MEMO1: variants seen among roughly 807,000 people sequenced by gnomAD.
MEMO1 encodes mediator of cell motility 1.
MEMO1 carries 6 observed loss-of-function variants against 45.2 expected under a neutral mutation model. That is an observed-to-expected ratio of 0.13 (90% CI 0.07 to 0.26). The LOEUF (loss-of-function observed/expected upper bound fraction) is 0.26. MEMO1 is among the 10% of genes least tolerant of loss of function. The pLI, the probability that MEMO1 is intolerant of heterozygous loss-of-function variation, is 1.00. For missense variants in MEMO1, 184 were observed against 370.5 expected (o/e 0.50, Z 4.13); for synonymous variants, 78 against 124.3 (o/e 0.63, Z 2.48).
intron 5 of MEMO1, among the ~76,000 whole-genome samples, chr2:31,920,304 TA>T (rs1302930430): frequency 6.6e-6 from 1 of 152,120 alleles, no homozygotes; most frequent in African/African-American, 2.4e-5. Context: ...TAGGCATGTT[TA>T]AAAATAAAAT....
At chr2:31,901,351 C>T (rs1371094393) in intron 6 of MEMO1, among the ~76,000 whole-genome samples, 33 of 105,918 alleles carry the variant, frequency 3.1e-4, no homozygotes, top group African/African-American at 1.0e-3. Context: ...CCAGCCTGAG[C>T]GAAAGAGTGA....
chr2:31,965,422 A>C (rs963651511), intron 2 of MEMO1, among the ~76,000 whole-genome samples: 2 of 152,102 alleles, frequency 1.3e-5, no homozygotes, highest in Non-Finnish European at 2.9e-5. Context: ...GAAACAAGTC[A>C]GCCATAGGAT....
chr2:31,914,799 GTT>G (rs976102003), intron 6 of MEMO1, among the ~76,000 whole-genome samples: 1 of 151,366 alleles, frequency 6.6e-6, no homozygotes, highest in African/African-American at 2.4e-5. Context: ...TAAAAAAAAA[GTT>G]TTTAAAATTA....
chr2:31,904,084 A>G (rs1679289694), intron 6 of MEMO1, among the ~76,000 whole-genome samples: 1 of 152,256 alleles, frequency 6.6e-6, no homozygotes, highest in Admixed American at 6.5e-5. Flanking sequence ...AGAGTCAAAA[A>G]TACAGAATGG....
At chr2:31,933,610 C>G (rs1204880988) in intron 3 of MEMO1, among the ~76,000 whole-genome samples, 2 of 151,804 alleles carry the variant, frequency 1.3e-5, no homozygotes, top group Non-Finnish European at 2.9e-5. Context: ...TCTGAAGTAG[C>G]TTAAGATATG....
intron 2 of MEMO1, among the ~76,000 whole-genome samples, chr2:31,977,649 G>A (rs1670162395): frequency 6.6e-6 from 1 of 152,034 alleles, no homozygotes; most frequent in Non-Finnish European, 1.5e-5. Flanking sequence ...AAGTAGCTGG[G>A]ACTACAGGTG....
chr2:31,986,862 A>G (rs945682482), intron 2 of MEMO1, among the ~76,000 whole-genome samples: 3 of 152,250 alleles, frequency 2.0e-5, no homozygotes, highest in African/African-American at 7.2e-5. Flanking sequence ...GTACGCGACA[A>G]CTAAATTGTT....
At chr2:31,874,196 AATG>A (rs1674218011) in intron 8 of MEMO1, among the ~76,000 whole-genome samples, 1 of 152,134 alleles carries the variant, frequency 6.6e-6, no homozygotes, top group Non-Finnish European at 1.5e-5. Context: ...GTATAATAAA[AATG>A]ATAACCTATG....
intron 8 of MEMO1, among the ~76,000 whole-genome samples, chr2:31,873,674 A>T (rs1020206100): frequency 6.6e-6 from 1 of 152,172 alleles, no homozygotes; most frequent in East Asian, 1.9e-4. Flanking sequence ...AACCAGAATC[A>T]TATCTTTTAA....
intron 6 of MEMO1, among the ~76,000 whole-genome samples, chr2:31,911,641 T>C (rs971550428): frequency 5.3e-5 from 8 of 152,176 alleles, no homozygotes; most frequent in Admixed American, 5.2e-4. Context: ...TTTAATGCCA[T>C]ATAAAAGCAT....
chr2:31,966,791 T>G (rs1668676856), intron 2 of MEMO1, among the ~76,000 whole-genome samples: 2 of 151,938 alleles, frequency 1.3e-5, no homozygotes, highest in South Asian at 4.2e-4. Flanking sequence ...GGAAAAATAT[T>G]GTATTTATGT....
At chr2:31,982,016 T>C (rs936682695) in intron 2 of MEMO1, among the ~76,000 whole-genome samples, 4 of 152,138 alleles carry the variant, frequency 2.6e-5, no homozygotes, top group Non-Finnish European at 5.9e-5. Flanking sequence ...AAGATACAAC[T>C]GGCCGGGCGC....
chr2:31,983,267 AT>A (rs993358501), intron 2 of MEMO1, among the ~76,000 whole-genome samples: 1 of 152,066 alleles, frequency 6.6e-6, no homozygotes, highest in African/African-American at 2.4e-5. Flanking sequence ...CCTAAAAAAA[AT>A]TTTTTTAAAT....
rs537806929 is a variant in MEMO1, at chr2:31,969,604, T to G, written c.62-26221A>C. ...GTGTGTGGGTGTGTGTGTGTGTGTGTGTGTGTGTGTGTGTGTGTGTGTGTG... is the reference window on the plus strand; with the variant it reads ...GTGTGTGGGTGTGTGTGTGTGTGTGGGTGTGTGTGTGTGTGTGTGTGTGTG... On this transcript the variant is annotated intron_variant, in intron 2 of 9. Transcript: ENST00000404530. Among the ~76,000 whole-genome samples, 1,407 of 149,592 alleles carry G rather than the reference T, an allele frequency of 9.4e-3. 19 individuals are homozygous for G. The highest frequency in any genetic ancestry group is 0.043 in the South Asian group (198 of 4,650).
chr2:31,874,518 CTA>C (rs1674271936), intron 8 of MEMO1, among the ~76,000 whole-genome samples: 1 of 151,968 alleles, frequency 6.6e-6, no homozygotes, highest in South Asian at 2.1e-4. Flanking sequence ...ATAAGAATAG[CTA>C]TTTTTCTTTT....
At chr2:31,917,574 G>A (rs1404693235) in intron 6 of MEMO1, among the ~76,000 whole-genome samples, 2 of 151,976 alleles carry the variant, frequency 1.3e-5, no homozygotes, top group Non-Finnish European at 1.5e-5. Context: ...AAAATTTTAC[G>A]ATTAATTATA....
chr2:31,891,168 G>A (rs1480301271), intron 7 of MEMO1, among the ~76,000 whole-genome samples: 5 of 152,080 alleles, frequency 3.3e-5, no homozygotes, highest in Admixed American at 3.3e-4. Flanking sequence ...TTACATTTTA[G>A]GTTTCCTTAT....
chr2:31,983,481 C>T lies in MEMO1; in HGVS notation c.61+26706G>A, dbSNP rs866452653. Among the ~76,000 whole-genome samples the T allele has an allele frequency of 5.3e-4, 81 of 152,006 alleles. 2 individuals are homozygous for T. Among genetic ancestry groups the T allele is most frequent in the Middle Eastern group, 3.2e-3 (1 of 316 alleles). On this transcript the variant is annotated intron_variant, in intron 2 of 9. Transcript: ENST00000404530. ...AGAGTTTCGCTCTTGTTGCCCAGGC[C>T]AGAGTGAGGGTGGCACAATCTCGGC...
At chr2:31,951,586 G>A (rs1666857133) in intron 2 of MEMO1, among the ~76,000 whole-genome samples, 1 of 150,552 alleles carries the variant, frequency 6.6e-6, no homozygotes, top group Admixed American at 6.6e-5. Context: ...AGGCTGAAGT[G>A]CAGTGGCACG....
Sources: gnomAD v4.1 joint callset for allele counts (sites outside exome capture counted in the v4.1 genomes callset) on GRCh38, gnomAD v4.1.1 for gene constraint, MANE v1.5 for transcripts, NCBI Gene and HGNC (gene_info 2026-07-23, HGNC 2026-07-21) for gene names.